The following BICC1 variants were observed in gnomAD, a reference collection of about 807,000 sequenced individuals.
BICC1 encodes the protein protein bicaudal C homolog 1.
BICC1 carries 43 observed loss-of-function variants against 111.0 expected under a neutral mutation model. The observed-to-expected ratio is 0.39, with a 90% CI of 0.30 to 0.50. BICC1 has a LOEUF of 0.50. Among genes scored for constraint, BICC1 ranks in the 20% least tolerant of loss-of-function variants. The pLI, the probability that BICC1 is intolerant of heterozygous loss-of-function variation, is 0.88. For synonymous variants in BICC1, 467 were observed against 434.4 expected (o/e 1.07, Z -0.93); for missense variants, 1,091 against 1,203.2 (o/e 0.91, Z 1.38).
chr10:58,769,876 G>A (rs1842575743), intron 3 of BICC1, among the ~76,000 whole-genome samples: 1 of 152,000 alleles, frequency 6.6e-6, no homozygotes, highest in Admixed American at 6.6e-5. Context: ...CATTAAAATA[G>A]GAAGTATTAA....
At chr10:58,749,648 A>G (rs1034112105) in intron 3 of BICC1, among the ~76,000 whole-genome samples, 3 of 152,228 alleles carry the variant, frequency 2.0e-5, no homozygotes, top group Admixed American at 1.3e-4. Flanking sequence ...ACTCATTTCA[A>G]CCTGTTTCTC....
chr10:58,745,360 C>T (rs11006249), intron 3 of BICC1, among the ~76,000 whole-genome samples: 7,390 of 152,172 alleles, frequency 0.049, 204 homozygotes, highest in Middle Eastern at 0.085. Context: ...AATAATCCCT[C>T]ACAGGATTAT....
intron 3 of BICC1, among the ~76,000 whole-genome samples, chr10:58,744,165 T>G (rs1336674562): frequency 6.6e-6 from 1 of 152,200 alleles, no homozygotes; most frequent in African/African-American, 2.4e-5. Flanking sequence ...TTTATTATAT[T>G]CTTAAATTGA....
intron 2 of BICC1, among the ~76,000 whole-genome samples, chr10:58,701,584 G>C (rs552762248): frequency 6.6e-6 from 1 of 152,148 alleles, no homozygotes; most frequent in African/African-American, 2.4e-5. Flanking sequence ...GTTTTCATCA[G>C]TTTTAATGAA....
chr10:58,672,091 A>G (rs551024067), intron 2 of BICC1, among the ~76,000 whole-genome samples: 14 of 152,332 alleles, frequency 9.2e-5, no homozygotes, highest in African/African-American at 3.4e-4. Flanking sequence ...GCATATACAT[A>G]ACATGAAATT....
chr10:58,688,312 G>A (rs373431771), intron 2 of BICC1, among the ~76,000 whole-genome samples: 1 of 152,256 alleles, frequency 6.6e-6, no homozygotes, highest in East Asian at 1.9e-4. Flanking sequence ...GTTTTACAGA[G>A]TGCTGATTGG....
chr10:58,534,454 A>C (rs1042816812), intron 1 of BICC1, among the ~76,000 whole-genome samples: 1 of 151,770 alleles, frequency 6.6e-6, no homozygotes, highest in Non-Finnish European at 1.5e-5. Flanking sequence ...GAAAAACATC[A>C]CACAAAGATT....
At chr10:58,561,825 G>A (rs966202189) in intron 1 of BICC1, among the ~76,000 whole-genome samples, 8 of 151,984 alleles carry the variant, frequency 5.3e-5, no homozygotes, top group African/African-American at 1.9e-4. Context: ...TAGTGGTAAT[G>A]GATTTCTTCA....
chr10:58,559,339 GT>G (rs903995076), intron 1 of BICC1, among the ~76,000 whole-genome samples: 13 of 146,816 alleles, frequency 8.9e-5, no homozygotes, highest in African/African-American at 1.2e-4. Context: ...AGGCATTTGT[GT>G]TTTTTTTTTG....
chr10:58,751,024 A>C (rs1041734898), intron 3 of BICC1, among the ~76,000 whole-genome samples: 4 of 152,136 alleles, frequency 2.6e-5, no homozygotes, highest in African/African-American at 9.7e-5. Flanking sequence ...GAACAGCCCT[A>C]GGGAATAAAC....
intron 2 of BICC1, among the ~76,000 whole-genome samples, chr10:58,678,059 G>GA (rs1229448745): frequency 2.6e-5 from 4 of 152,214 alleles, no homozygotes; most frequent in East Asian, 3.9e-4. Context: ...ATATGGAAAG[G>GA]AAAAAACGGG....
At chr10:58,616,445 C>T (rs1041462924) in intron 1 of BICC1, among the ~76,000 whole-genome samples, 5 of 152,236 alleles carry the variant, frequency 3.3e-5, no homozygotes, top group African/African-American at 1.2e-4. Context: ...CCTGGTCCCA[C>T]CTGGGCGCTT....
rs1279810108 is a variant in BICC1, at chr10:58,621,942, AATAGAATAGAAT to A, written c.237+1043_237+1054del. Reference sequence around the variant, plus strand: ...AATAGAATAGAATAGAATAGAATAGAATAGAATAGAATAGAATAGAATAGAATAATCCAGCCT... The same window carrying A: ...AATAGAATAGAATAGAATAGAATAGAAGAATAGAATAGAATAATCCAGCCT... On this transcript the variant is annotated intron_variant, in intron 2 of 20. Coordinates refer to ENST00000373886, the MANE Select transcript of BICC1 (RefSeq NM_001080512.3). Among the ~76,000 whole-genome samples, 5 of 133,122 alleles carry A rather than the reference AATAGAATAGAAT, an allele frequency of 3.8e-5. 1 individual carries two copies. The highest frequency in any genetic ancestry group is 6.6e-5 in the Non-Finnish European group (4 of 60,502). 87.3% of individuals were successfully genotyped at this position (133,122 alleles called of 152,430 possible). A position where few individuals can be genotyped will look rare whatever the true frequency, so the allele number is the denominator to read the frequency against.
chr10:58,702,272 G>T (rs1840260925), intron 3 of BICC1, 129 bp downstream of exon 3: 2 of 597,204 alleles, frequency 3.3e-6, no homozygotes, highest in South Asian at 5.1e-5. Context: ...TTAAGTAGCA[G>T]TCTTTCAGGA....
intron 2 of BICC1, among the ~76,000 whole-genome samples, chr10:58,652,570 T>C (rs1016536232): frequency 7.2e-5 from 11 of 152,272 alleles, no homozygotes; most frequent in Admixed American, 3.3e-4. Flanking sequence ...TCAATAAATA[T>C]TTATTGTTTT....
chr10:58,549,650 T>C (rs1843239750), intron 1 of BICC1, among the ~76,000 whole-genome samples: 1 of 151,848 alleles, frequency 6.6e-6, no homozygotes, highest in East Asian at 1.9e-4. Context: ...TTGTTGTTGT[T>C]ATTGTTGAGT....
chr10:58,512,368 A>C (rs1842107357), upstream of BICC1, among the ~76,000 whole-genome samples: 1 of 152,054 alleles, frequency 6.6e-6, no homozygotes, highest in South Asian at 2.1e-4. Context: ...CCTCTTCCTC[A>C]CGTTCGAGCT....
intron 2 of BICC1, among the ~76,000 whole-genome samples, chr10:58,693,430 C>T (rs1173895411): frequency 1.1e-4 from 16 of 152,244 alleles, no homozygotes; most frequent in African/African-American, 2.9e-4. Flanking sequence ...CTTGAGGAAT[C>T]GCCACACTGA....
At chr10:58,656,858 T>G (rs570051099) in intron 2 of BICC1, among the ~76,000 whole-genome samples, 1 of 152,314 alleles carries the variant, frequency 6.6e-6, no homozygotes, top group Admixed American at 6.5e-5. Flanking sequence ...ACTTCCGACC[T>G]TCAGTAAATC....
Sources: gnomAD v4.1 joint callset for allele counts (sites outside exome capture counted in the v4.1 genomes callset) on GRCh38, gnomAD v4.1.1 for gene constraint, MANE v1.5 for transcripts, NCBI Gene and HGNC (gene_info 2026-07-23, HGNC 2026-07-21) for gene names.